RSBN1L: variants seen among roughly 807,000 people sequenced by gnomAD.
RSBN1L encodes the protein lysine-specific demethylase RSBN1L.
A neutral mutation model predicts 67.7 loss-of-function variants in RSBN1L; 30 were observed. The observed-to-expected ratio is 0.44, with a 90% CI of 0.33 to 0.60. RSBN1L has a LOEUF of 0.60. Ranked by LOEUF, RSBN1L falls within the 20% of genes least tolerant of loss-of-function variation. The pLI, the probability that RSBN1L is intolerant of heterozygous loss-of-function variation, is 0.02. For missense variants in RSBN1L, 992 were observed against 1,031.7 expected (o/e 0.96, Z 0.53); for synonymous variants, 433 against 387.0 (o/e 1.12, Z -1.39).
Position 77,779,570 on chromosome 7 carries a change from T to G in RSBN1L, c.*402T>G, listed in dbSNP as rs974088611. The G allele has an allele frequency of 6.6e-6, 1 of 151,362 alleles. No individual in the cohort carries two copies. Among genetic ancestry groups the G allele is most frequent in the Middle Eastern group, 3.2e-3 (1 of 316 alleles). 9.4% of individuals were successfully genotyped at this position (151,362 alleles called of 1,614,324 possible). ...TTTTTCATTTTAAATGTGTCAGCACTGTAGTGTAAATAGCTTTTAAATATC... is the reference window on the plus strand; with the variant it reads ...TTTTTCATTTTAAATGTGTCAGCACGGTAGTGTAAATAGCTTTTAAATATC... On this transcript the variant is annotated 3_prime_UTR_variant, in exon 8 of 8. Transcript: ENST00000334955.
In RSBN1L at chr7:77,775,701, A is replaced by T. The variant is rs143055024; in HGVS notation, c.1793+2387A>T. 6.5e-3 allele frequency among the ~76,000 whole-genome samples: 993 copies of T among 152,244 alleles called. 5 individuals carry two copies. The highest frequency in any genetic ancestry group is 0.037 in the Middle Eastern group (11 of 294). On this transcript the variant is annotated intron_variant, in intron 6 of 7. Coordinates refer to ENST00000334955, the MANE Select transcript of RSBN1L (RefSeq NM_198467.3). ...TATTCTGTATGATTTTAGTGCTTCTAAATTTCTTGGGGTTTGTTTTATGGA... is the reference window on the plus strand; with the variant it reads ...TATTCTGTATGATTTTAGTGCTTCTTAATTTCTTGGGGTTTGTTTTATGGA...
Position 77,696,844 on chromosome 7 carries a change from G to C in RSBN1L, c.375G>C (p.Pro125=). Residue 125 remains proline (P), a synonymous_variant, in exon 1 of 8, where the codon CCG becomes CCC. Transcript: ENST00000334955. ...CCGCTTCCTTGTCTCAGCCGGTGCC[G>C]CGCAAACTGCTGGTCCCTCCTACGC... ...SASASLSQPV[P]RKLLVPPTLL... is the part of the protein sequence containing the mutation. The C allele has an allele frequency of 1.2e-6, 2 of 1,612,846 alleles. No homozygotes were observed. Among genetic ancestry groups the C allele is most frequent in the Non-Finnish European group, 1.7e-6 (2 of 1,179,920 alleles).
At chr7:77,697,129 G>A in intron 1 of RSBN1L, 74 bp downstream of exon 1, 1 of 1,298,956 alleles carries the variant, frequency 7.7e-7, no homozygotes, top group Non-Finnish European at 9.7e-7. Flanking sequence ...ACGGGGCCCG[G>A]GAAGGGGGAG....
intron 5 of RSBN1L, among the ~76,000 whole-genome samples, chr7:77,770,822 A>G (rs1791838629): frequency 6.6e-6 from 1 of 152,232 alleles, no homozygotes; most frequent in African/African-American, 2.4e-5. Context: ...ACAAAACCCT[A>G]CTATGTGTGA....
chr7:77,715,551 C>T (rs913066971), intron 1 of RSBN1L, among the ~76,000 whole-genome samples: 1 of 152,100 alleles, frequency 6.6e-6, no homozygotes, highest in African/African-American at 2.4e-5. Context: ...TCAAGTGATT[C>T]GCCTGCCGTA....
chr7:77,757,132 G>T (rs1791630207), intron 3 of RSBN1L, among the ~76,000 whole-genome samples: 1 of 152,178 alleles, frequency 6.6e-6, no homozygotes, highest in Non-Finnish European at 1.5e-5. Flanking sequence ...TTATGTAGCT[G>T]TTTCTATGAT....
intron 5 of RSBN1L, among the ~76,000 whole-genome samples, chr7:77,771,698 CG>C (rs1276379601): frequency 6.6e-6 from 1 of 151,814 alleles, no homozygotes; most frequent in Non-Finnish European, 1.5e-5. Context: ...TTAAGAGAGA[CG>C]GGATTTCGCC....
At chr7:77,753,021 A>AAT (rs1164243235) in intron 3 of RSBN1L, among the ~76,000 whole-genome samples, 1 of 152,284 alleles carries the variant, frequency 6.6e-6, no homozygotes, top group East Asian at 1.9e-4. Flanking sequence ...TACCAGTGTT[A>AAT]ATATACCACA....
chr7:77,765,994 T>G (rs775071443), intron 4 of RSBN1L, among the ~76,000 whole-genome samples: 2 of 152,166 alleles, frequency 1.3e-5, no homozygotes, highest in Non-Finnish European at 2.9e-5. Context: ...CAGGAAGGAT[T>G]CTACTACAAA....
chr7:77,773,154 A>G lies in RSBN1L; in HGVS notation c.1633A>G (p.Asn545Asp). 6.3e-7 allele frequency: 1 copy of G among 1,576,896 alleles called. No individual in the cohort carries two copies. Among genetic ancestry groups the G allele is most frequent in the Non-Finnish European group, 8.6e-7 (1 of 1,163,878 alleles). ...KSPFKRKRTT[N>D]EIKNLQYLPR... ...TCTTTTTTTAAAAAACAGAACTACC[A>G]ATGAAATAAAAAATCTTCAGTACCT... The change falls in exon 6 of 8, where the codon AAT (asparagine) becomes GAT (aspartate). Residue 545 changes from asparagine (N) to aspartate (D), a missense_variant. By Grantham distance (23) the Asn-to-Asp change is conservative (BLOSUM62 1). Transcript: ENST00000334955.
rs142019940 is a variant in RSBN1L at position 77,756,089 on chromosome 7, A to G, written c.1344+6025A>G. Among the ~76,000 whole-genome samples the G allele has an allele frequency of 6.9e-3, 1,049 of 152,286 alleles. 17 individuals are homozygous for G. Among genetic ancestry groups the G allele is most frequent in the African/African-American group, 0.024 (980 of 41,568 alleles). ...CTAGAAAAATGTGGGAAGACAGAGT[A>G]GAGTGAAGATGATAGAGAAAAATGG... On this transcript the variant is annotated intron_variant, in intron 3 of 7. Coordinates refer to ENST00000334955, the MANE Select transcript of RSBN1L (RefSeq NM_198467.3).
chr7:77,707,770 C>T (rs533437771), intron 1 of RSBN1L, among the ~76,000 whole-genome samples: 47 of 152,162 alleles, frequency 3.1e-4, no homozygotes, highest in Admixed American at 1.4e-3. Context: ...CAAGCACTTT[C>T]GAGATAGGTC....
intron 1 of RSBN1L, among the ~76,000 whole-genome samples, chr7:77,732,901 C>A (rs1427459439): frequency 1.3e-5 from 2 of 152,176 alleles, no homozygotes; most frequent in African/African-American, 2.4e-5. Flanking sequence ...GGTTGTAGAG[C>A]ATAATCTTGA....
chr7:77,723,509 C>A (rs1278126659), intron 1 of RSBN1L, among the ~76,000 whole-genome samples: 1 of 152,044 alleles, frequency 6.6e-6, no homozygotes, highest in Admixed American at 6.6e-5. Context: ...TCACTCTTTG[C>A]CCAGACTGGA....
rs1437450460 is a variant in RSBN1L, at chr7:77,701,764, G to A, written c.586+4709G>A. On this transcript the variant is annotated intron_variant, in intron 1 of 7. Transcript: ENST00000334955. The stretch of plus-strand genomic sequence containing the variant: ...CCTCCTGGGTTCAAGCAATTCTCCT[G>A]CCTCAGCCTCCCAAGTAGCTGGTAT... 2.7e-5 allele frequency among the ~76,000 whole-genome samples: 4 copies of A among 150,680 alleles called. No individual in the cohort carries two copies. The Admixed American group carries it at 2.7e-4, about 10-fold the overall frequency.
chr7:77,728,832 C>T (rs1791239757), intron 1 of RSBN1L, among the ~76,000 whole-genome samples: 1 of 152,148 alleles, frequency 6.6e-6, no homozygotes, highest in South Asian at 2.1e-4. Flanking sequence ...GTCGATTTCT[C>T]TTACCATCTG....
rs1163769997 is a variant in RSBN1L at position 77,778,712 on chromosome 7, AGAG to A, written c.2091_2093del (p.Glu697del). On this transcript the variant is annotated inframe_deletion, in exon 8 of 8. Coordinates refer to ENST00000334955, the MANE Select transcript of RSBN1L (RefSeq NM_198467.3). ...ATATTCGGCTCAAATTATATCACTCAGAGGAGGACACTTCTCAGAATACAGCTA... is the reference window on the plus strand; with the variant it reads ...ATATTCGGCTCAAATTATATCACTCAGAGGACACTTCTCAGAATACAGCTA... 2.5e-6 allele frequency: 4 copies of A among 1,614,054 alleles called. No individual in the cohort carries two copies. In the East Asian group the frequency reaches 8.9e-5, roughly 36 times the overall value.
At chr7:77,761,195 CATT>C (rs1485325600) in intron 3 of RSBN1L, among the ~76,000 whole-genome samples, 1 of 152,154 alleles carries the variant, frequency 6.6e-6, no homozygotes, top group Non-Finnish European at 1.5e-5. Flanking sequence ...ATTGGTTTGT[CATT>C]ATGATACAAT....
chr7:77,772,950 A>G (rs961156845), intron 5 of RSBN1L, among the ~76,000 whole-genome samples, 197 bp from the exon 6 acceptor site: 5 of 152,166 alleles, frequency 3.3e-5, no homozygotes, highest in African/African-American at 9.7e-5. Flanking sequence ...TTTCCTTACA[A>G]CTGTTCCTGT....
Sources: gnomAD v4.1 joint callset for allele counts (sites outside exome capture counted in the v4.1 genomes callset) on GRCh38, gnomAD v4.1.1 for gene constraint, MANE v1.5 for transcripts, NCBI Gene and HGNC (gene_info 2026-07-23, HGNC 2026-07-21) for gene names.